The following FBXO8 variants were observed in gnomAD, a reference collection of about 807,000 sequenced individuals.
FBXO8 encodes the protein F-box protein 8.
In FBXO8, 15 loss-of-function variants were observed where a neutral mutation model predicts 33.4. The observed-to-expected ratio is 0.45, with a 90% CI of 0.30 to 0.69. The LOEUF (loss-of-function observed/expected upper bound fraction) is 0.69. Among genes scored for constraint, FBXO8 ranks in the 30% least tolerant of loss-of-function variants. The probability of loss-of-function intolerance (pLI) is 0.08; values close to 1 mark genes in which losing one functional copy is unlikely to be tolerated. For synonymous variants in FBXO8, 132 were observed against 131.5 expected (o/e 1.00, Z -0.02); for missense variants, 274 against 380.3 (o/e 0.72, Z 2.32).
chr4:174,266,565 G>A (rs1736698649), intron 1 of FBXO8, among the ~76,000 whole-genome samples: 1 of 152,136 alleles, frequency 6.6e-6, no homozygotes, highest in South Asian at 2.1e-4. Flanking sequence ...GGGTGTAACT[G>A]TCAGAAAAGC....
intron 4 of FBXO8, among the ~76,000 whole-genome samples, chr4:174,240,557 A>G (rs919270738): frequency 1.3e-5 from 2 of 149,074 alleles, no homozygotes; most frequent in Non-Finnish European, 3.0e-5. Context: ...ATGAATAACT[A>G]TCAAATCAGA....
chr4:174,252,561 A>T lies in FBXO8; in HGVS notation c.456+7138T>A, dbSNP rs1736315750. ...AGGGTTACTAATACCCCTCATGGCT[A>T]CCAGATGGCTGCACATGGTCATGCC... On this transcript the variant is annotated intron_variant, in intron 3 of 5. Coordinates refer to ENST00000393674, the MANE Select transcript of FBXO8 (RefSeq NM_012180.3). The surrounding 1 kb of genome is among the most constrained non-coding windows in gnomAD (Gnocchi z 5.1). 6.6e-6 allele frequency among the ~76,000 whole-genome samples: 1 copy of T among 152,010 alleles called. No individual in the cohort carries two copies.
intron 1 of FBXO8, among the ~76,000 whole-genome samples, chr4:174,268,602 AT>A (rs1329439618): frequency 2.8e-5 from 1 of 35,252 alleles, no homozygotes; most frequent in African/African-American, 5.4e-5. Context: ...CGCCCGGCTA[AT>A]TTTTTGTATT....
At chr4:174,246,282 G>A (rs1297842867) in intron 3 of FBXO8, among the ~76,000 whole-genome samples, 1 of 152,006 alleles carries the variant, frequency 6.6e-6, no homozygotes, top group Non-Finnish European at 1.5e-5. Context: ...CAATCTTCCT[G>A]AGCCTCAGTT....
Position 174,262,614 on chromosome 4 carries a change from C to T in FBXO8, c.329+150G>A. Reference sequence around the variant, plus strand: ...AGATCAAATTTGACTGTGATGCTAACTGTATATTTTTCCAGGTTTTAATAA... The same window carrying T: ...AGATCAAATTTGACTGTGATGCTAATTGTATATTTTTCCAGGTTTTAATAA... On this transcript the variant is annotated intron_variant, in intron 2 of 5. Coordinates refer to ENST00000393674, the MANE Select transcript of FBXO8 (RefSeq NM_012180.3). The surrounding 1 kb of genome is among the most constrained non-coding windows in gnomAD (Gnocchi z 4.6). 1 of 632,830 alleles carries T rather than the reference C, an allele frequency of 1.6e-6. No individual in the cohort carries two copies. The highest frequency in any genetic ancestry group is 2.7e-6 in the Non-Finnish European group (1 of 369,012). The allele number at this position is 632,830 out of a possible 1,614,324, so 39.2% of individuals were successfully genotyped here. A position where few individuals can be genotyped will look rare whatever the true frequency, so the allele number is the denominator to read the frequency against.
intron 3 of FBXO8, among the ~76,000 whole-genome samples, chr4:174,244,350 T>C (rs1736111895): frequency 6.6e-6 from 1 of 151,752 alleles, no homozygotes; most frequent in South Asian, 2.1e-4. Flanking sequence ...AGGAAGGGAA[T>C]GCTTGTAACT....
rs1301662898 is a variant in FBXO8 at position 174,255,454 on chromosome 4, A to G, written c.456+4245T>C. ...ATGTTATCTTGAAAATAAGTTGCAT[A>G]TTCATTTCTACCTCAAACATGTGGA... On this transcript the variant is annotated intron_variant, in intron 3 of 5. Coordinates refer to ENST00000393674, the MANE Select transcript of FBXO8 (RefSeq NM_012180.3). The surrounding 1 kb of genome is among the most constrained non-coding windows in gnomAD (Gnocchi z 4.3). Among the ~76,000 whole-genome samples, 2 of 152,142 alleles carry G rather than the reference A, an allele frequency of 1.3e-5. No individual in the cohort carries two copies. The highest frequency in any genetic ancestry group is 2.9e-5 in the Non-Finnish European group (2 of 68,004).
rs1236556729 is a variant in FBXO8 at position 174,245,750 on chromosome 4, C to T, written c.457-4532G>A. On this transcript the variant is annotated intron_variant, in intron 3 of 5. Transcript: ENST00000393674. This position sits in a 1 kb window ranked among gnomAD's most constrained non-coding sequence, Gnocchi z 4.6. ...TTAAAAAATAAAAATAAATAGATAGCGGGCTATACAACTGTATATGTTACA... is the reference window on the plus strand; with the variant it reads ...TTAAAAAATAAAAATAAATAGATAGTGGGCTATACAACTGTATATGTTACA... Among the ~76,000 whole-genome samples the T allele has an allele frequency of 2.6e-5, 4 of 151,708 alleles. No individual in the cohort carries two copies. The highest frequency in any genetic ancestry group is 4.8e-5 in the African/African-American group (2 of 41,396).
rs759683867 is a variant in FBXO8, at chr4:174,239,062, A to G, written c.704T>C (p.Ile235Thr). Reference protein sequence around the residue: ...EERGEYLETLITKFSHRFCAC... With the variant: ...EERGEYLETLTTKFSHRFCAC... Reference sequence around the variant, plus strand: ...ACAGAATCTATGTGAGAACTTTGTTATAAGAGTTTCAAGATACTCTCCACG... The same window carrying G: ...ACAGAATCTATGTGAGAACTTTGTTGTAAGAGTTTCAAGATACTCTCCACG... Residue 235 changes from isoleucine (I) to threonine (T), a missense_variant, in exon 5 of 6, where the codon ATA becomes ACA. Ile to Thr is a moderately conservative substitution (Grantham distance 89). Around this residue, in one of 2 missense-constraint regions of FBXO8, gnomAD observed 186 missense variants for 293.4 expected, o/e 0.63. Coordinates refer to ENST00000393674, the MANE Select transcript of FBXO8 (RefSeq NM_012180.3). 1 of 1,607,552 alleles carries G rather than the reference A, an allele frequency of 6.2e-7. No homozygotes were observed. The highest frequency in any genetic ancestry group is 1.1e-5 in the South Asian group (1 of 90,052).
rs894090917 is a variant in FBXO8 at position 174,261,835 on chromosome 4, G to C, written c.329+929C>G. Among the ~76,000 whole-genome samples, 1 of 151,996 alleles carries C rather than the reference G, an allele frequency of 6.6e-6. No homozygotes were observed. The highest frequency in any genetic ancestry group is 2.4e-5 in the African/African-American group (1 of 41,428). Reference sequence around the variant, plus strand: ...ATTAAGTCTCTCAATTAGATTTCTAGTTTGAAATTATAGGAAGTCTTAAAA... The same window carrying C: ...ATTAAGTCTCTCAATTAGATTTCTACTTTGAAATTATAGGAAGTCTTAAAA... On this transcript the variant is annotated intron_variant, in intron 2 of 5. Transcript: ENST00000393674. The surrounding 1 kb of genome is among the most constrained non-coding windows in gnomAD (Gnocchi z 4.1).
rs1736409867 is a variant in FBXO8, at chr4:174,256,106, G to A, written c.456+3593C>T. 2.2e-6 allele frequency: 1 copy of A among 456,132 alleles called. No individual in the cohort carries two copies. The highest frequency in any genetic ancestry group is 1.5e-5 in the South Asian group (1 of 64,554). 28.3% of individuals were successfully genotyped at this position (456,132 alleles called of 1,614,324 possible). ...GTGGAGCTTGGTTACCCATATCCGT[G>A]ACATGAACGGTGTCCTTTGGAGAAT... is the stretch of plus-strand genomic sequence containing the variant. On this transcript the variant is annotated intron_variant, in intron 3 of 5. Transcript: ENST00000393674. This position sits in a 1 kb window ranked among gnomAD's most constrained non-coding sequence, Gnocchi z 4.6.
intron 1 of FBXO8, among the ~76,000 whole-genome samples, chr4:174,282,058 A>T (rs1416385504): frequency 2.6e-5 from 4 of 152,238 alleles, no homozygotes; most frequent in Admixed American, 6.5e-5. Flanking sequence ...AATAAACCAT[A>T]AAGTTACAAA....
chr4:174,242,387 C>T (rs562419711), intron 3 of FBXO8, among the ~76,000 whole-genome samples: 17 of 151,392 alleles, frequency 1.1e-4, no homozygotes, highest in African/African-American at 3.9e-4. Flanking sequence ...TTAGGTACCA[C>T]GAGGTAATGC....
rs757502562 is a variant in FBXO8, at chr4:174,263,036, G to A, written c.57C>T (p.Tyr19=). The change falls in exon 2 of 6, where the codon TAC becomes TAT. Residue 19 remains tyrosine, a synonymous_variant. Coordinates refer to ENST00000393674, the MANE Select transcript of FBXO8 (RefSeq NM_012180.3). The surrounding 1 kb of genome is among the most constrained non-coding windows in gnomAD (Gnocchi z 4.2). ...CTCTGGTGAGGTAGCCTTGCTCACTGTAGCCTTCTTGTTGCAGCTGCTGGT... is the reference window on the plus strand; with the variant it reads ...CTCTGGTGAGGTAGCCTTGCTCACTATAGCCTTCTTGTTGCAGCTGCTGGT... ...VRNQQLQQEG[Y]SEQGYLTREQ... is the part of the protein sequence containing the mutation. 2.5e-6 allele frequency: 4 copies of A among 1,613,930 alleles called. No individual in the cohort carries two copies. The highest frequency in any genetic ancestry group is 3.4e-6 in the Non-Finnish European group (4 of 1,179,926).
In FBXO8 at chr4:174,236,853, A is replaced by G. The variant is rs1355041543; in HGVS notation, c.*559T>C. On this transcript the variant is annotated 3_prime_UTR_variant, in exon 6 of 6. Transcript: ENST00000393674. ...TGCATAGTAATATAGTAACAAATCA[A>G]CACTCTTCAAAGTTTAAAGGAAAAG... The G allele has an allele frequency of 1.3e-5, 2 of 152,120 alleles. No individual in the cohort carries two copies. The highest frequency in any genetic ancestry group is 4.8e-5 in the African/African-American group (2 of 41,452). 9.4% of individuals were successfully genotyped at this position (152,120 alleles called of 1,614,324 possible).
chr4:174,269,656 G>A (rs1220461505), intron 1 of FBXO8, among the ~76,000 whole-genome samples: 1 of 150,716 alleles, frequency 6.6e-6, no homozygotes, highest in Non-Finnish European at 1.5e-5. Flanking sequence ...CTCCAGCCTG[G>A]GCAACAGAGT....
rs1402191461 is a variant in FBXO8, at chr4:174,261,187, C to T, written c.330-1362G>A. ...CTTATTAATCTAGTCCCAATAAAACCCAAAACTAGAGTTTTATTACTAAGC... is the reference window on the plus strand; with the variant it reads ...CTTATTAATCTAGTCCCAATAAAACTCAAAACTAGAGTTTTATTACTAAGC... On this transcript the variant is annotated intron_variant, in intron 2 of 5. Transcript: ENST00000393674. This position sits in a 1 kb window ranked among gnomAD's most constrained non-coding sequence, Gnocchi z 4.1. Among the ~76,000 whole-genome samples the T allele has an allele frequency of 6.6e-6, 1 of 151,652 alleles. No individual in the cohort carries two copies. The highest frequency in any genetic ancestry group is 1.9e-4 in the East Asian group (1 of 5,194).
rs11459428 is a variant in FBXO8 at position 174,241,652 on chromosome 4, T to TAA, written c.457-436_457-435dup. Among the ~76,000 whole-genome samples the TAA allele has an allele frequency of 1.3e-5, 2 of 150,774 alleles. No homozygotes were observed. Among genetic ancestry groups the TAA allele is most frequent in the South Asian group, 4.2e-4 (2 of 4,794 alleles). On this transcript the variant is annotated intron_variant, in intron 3 of 5. Coordinates refer to ENST00000393674, the MANE Select transcript of FBXO8 (RefSeq NM_012180.3). This position sits in a 1 kb window ranked among gnomAD's most constrained non-coding sequence, Gnocchi z 4.2. ...GCCTTTCAAGGAAAGAGCTTCTTGATAAAAAAATGCTCCAAATGAAAGACT... is the reference window on the plus strand; with the variant it reads ...GCCTTTCAAGGAAAGAGCTTCTTGATAAAAAAAAATGCTCCAAATGAAAGACT...
intron 3 of FBXO8, among the ~76,000 whole-genome samples, chr4:174,244,809 A>G (rs1736121424): frequency 6.6e-6 from 1 of 151,830 alleles, no homozygotes; most frequent in Non-Finnish European, 1.5e-5. Flanking sequence ...ATTAAAATAG[A>G]TATTAGGCCT....
Sources: allele counts gnomAD v4.1 joint callset (sites outside exome capture counted in the v4.1 genomes callset), GRCh38; gene constraint gnomAD v4.1.1; regional missense constraint gnomAD v4.1.1; non-coding constraint Gnocchi (gnomAD v3.1); transcripts MANE v1.5; gene names NCBI Gene and HGNC (gene_info 2026-07-23, HGNC 2026-07-21).